The following NGEF variants were observed in gnomAD, a reference collection of about 807,000 sequenced individuals.
NGEF encodes the protein ephexin-1.
A neutral mutation model predicts 80.9 loss-of-function variants in NGEF; 31 were observed. The observed-to-expected ratio is 0.38, with a 90% CI of 0.29 to 0.52. The LOEUF is 0.52. Among genes scored for constraint, NGEF ranks in the 20% least tolerant of loss-of-function variants. NGEF has a pLI of 0.84. For missense variants in NGEF, 709 were observed against 926.2 expected, an observed-to-expected ratio of 0.77 and a Z score of 3.04; for synonymous variants, 371 against 370.2, an observed-to-expected ratio of 1.00 and a Z score of -0.03.
At position 232,879,565 on chromosome 2, in the gene NGEF, C is replaced by G. The variant is rs754143307; in HGVS notation, c.2057G>C (p.Arg686Pro). Residue 686 changes from arginine (R) to proline (P), a missense_variant, in exon 15 of 15, where the codon CGT becomes CCT. Transcript: ENST00000264051. Reference sequence around the variant, plus strand: ...CTGAGGGTCATCCATCTTGTGGACACGGAAACATTCCTTGAGGTTCTGGGA... The same window carrying G: ...CTGAGGGTCATCCATCTTGTGGACAGGGAAACATTCCTTGAGGTTCTGGGA... ...IRSQNLKECF[R>P]VHKMDDPQRS... The G allele has an allele frequency of 6.2e-7, 1 of 1,613,920 alleles. No individual in the cohort carries two copies. The highest frequency in any genetic ancestry group is 1.7e-5 in the Admixed American group (1 of 60,020).
At chr2:232,921,434 C>G (rs888264595) in intron 4 of NGEF, among the ~76,000 whole-genome samples, 2 of 152,166 alleles carry the variant, frequency 1.3e-5, no homozygotes, top group Admixed American at 6.5e-5. Flanking sequence ...AGCAAACACA[C>G]TCTGTTCTAC....
At chr2:232,926,002 C>G (rs1246987601) in intron 4 of NGEF, among the ~76,000 whole-genome samples, 1 of 152,068 alleles carries the variant, frequency 6.6e-6, no homozygotes, top group East Asian at 1.9e-4. Context: ...AGCTCCTCTC[C>G]GGGCTCAGTT....
intron 3 of NGEF, among the ~76,000 whole-genome samples, chr2:232,964,180 C>T (rs1694011147): frequency 6.6e-6 from 1 of 152,066 alleles, no homozygotes; most frequent in Non-Finnish European, 1.5e-5. Flanking sequence ...AATTATTTGC[C>T]TGTTTTTAAT....
chr2:233,010,687 G>A (rs1695183913), intron 1 of NGEF, among the ~76,000 whole-genome samples: 1 of 152,192 alleles, frequency 6.6e-6, no homozygotes, highest in Non-Finnish European at 1.5e-5. Context: ...TTTCCCAAAA[G>A]CAGCCCACAG....
intron 3 of NGEF, among the ~76,000 whole-genome samples, chr2:232,968,404 T>TTTA (rs1388151602): frequency 6.6e-6 from 1 of 150,986 alleles, no homozygotes; most frequent in African/African-American, 2.4e-5. Context: ...TGGCTTTTAT[T>TTTA]TTATTTTATT....
chr2:232,907,188 G>GAAAAA (rs10654316), intron 5 of NGEF, among the ~76,000 whole-genome samples: 1 of 113,158 alleles, frequency 8.8e-6, no homozygotes, highest in Non-Finnish European at 1.7e-5. Flanking sequence ...AGAAAAAAAA[G>GAAAAA]AAAAAAAAAA....
At chr2:232,886,743 G>A (rs1277745824) in intron 9 of NGEF, among the ~76,000 whole-genome samples, 2 of 152,238 alleles carry the variant, frequency 1.3e-5, no homozygotes, top group Non-Finnish European at 2.9e-5. Context: ...CTCAGGGAGA[G>A]CCTTCTGGGG....
Position 232,956,487 on chromosome 2 carries a change from G to T in NGEF, c.383+13727C>A, listed in dbSNP as rs1398313409. Among the ~76,000 whole-genome samples, 5 of 152,132 alleles carry T rather than the reference G, an allele frequency of 3.3e-5. No homozygotes were observed. The South Asian group carries it at 1.0e-3, about 32-fold the overall frequency. On this transcript the variant is annotated intron_variant, in intron 3 of 14. Coordinates refer to ENST00000264051, the MANE Select transcript of NGEF (RefSeq NM_019850.3). The stretch of plus-strand genomic sequence containing the variant: ...ATAGGAGTTTAAGAACCAGAATTAG[G>T]CTGGGCACAGTGGCTCACACCTGTA...
intron 5 of NGEF, chr2:232,901,339 G>A (rs900604827): frequency 4.1e-6 from 4 of 983,898 alleles, no homozygotes; most frequent in South Asian, 9.4e-5. Flanking sequence ...GAGGCTGCGC[G>A]ATTTCTCCTC....
chr2:232,989,687 G>A (rs11885626), intron 1 of NGEF, among the ~76,000 whole-genome samples: 135,121 of 152,214 alleles, frequency 0.89, 60,210 homozygotes, highest in East Asian at 0.99. Context: ...ATGGGGAAAA[G>A]TAAAGCTGTT....
intron 6 of NGEF, among the ~76,000 whole-genome samples, chr2:232,893,980 T>C (rs1023312078): frequency 6.6e-6 from 1 of 151,940 alleles, no homozygotes; most frequent in African/African-American, 2.4e-5. Context: ...GGGTGCCACA[T>C]GTGATGCTGA....
rs57407464 is a variant in NGEF, at chr2:232,956,781, T to TAAAA, written c.383+13429_383+13432dup. 8.6e-3 allele frequency among the ~76,000 whole-genome samples: 531 copies of TAAAA among 62,076 alleles called. 30 individuals are homozygous for TAAAA. Among genetic ancestry groups the TAAAA allele is most frequent in the African/African-American group, 0.032 (518 of 16,064 alleles). The allele number at this position is 62,076 out of a possible 152,430, so 40.7% of individuals were successfully genotyped here. A position where few individuals can be genotyped will look rare whatever the true frequency, so the allele number is the denominator to read the frequency against. ...CTGGGCGACAGAGCAAGACTCCATCTAAAAAAAAAAAAAAAAAAAAAAAAA... is the reference window on the plus strand; with the variant it reads ...CTGGGCGACAGAGCAAGACTCCATCTAAAAAAAAAAAAAAAAAAAAAAAAAAAAA... On this transcript the variant is annotated intron_variant, in intron 3 of 14. Coordinates refer to ENST00000264051, the MANE Select transcript of NGEF (RefSeq NM_019850.3).
intron 1 of NGEF, among the ~76,000 whole-genome samples, chr2:232,997,910 T>C (rs1175107267): frequency 1.3e-5 from 2 of 152,048 alleles, no homozygotes; most frequent in Non-Finnish European, 2.9e-5. Context: ...CAGGTGGCCG[T>C]GGGTGATCCT....
intron 3 of NGEF, among the ~76,000 whole-genome samples, chr2:232,928,331 T>G (rs1027566618): frequency 2.6e-4 from 39 of 150,196 alleles, no homozygotes; most frequent in African/African-American, 9.5e-4. Flanking sequence ...GGCTCGCGCC[T>G]TCCTCCCCCG....
In NGEF at chr2:232,943,738, G is replaced by T. The variant is rs1476885611; in HGVS notation, c.384-16552C>A. On this transcript the variant is annotated intron_variant, in intron 3 of 14. Transcript: ENST00000264051. ...TCTCAATCTCCTGACCTCGTGATCC[G>T]CCCGCCTCAGCCTCCCAAAGTGCTG... is the stretch of plus-strand genomic sequence containing the variant. 8.0e-5 allele frequency among the ~76,000 whole-genome samples: 12 copies of T among 149,776 alleles called. No individual in the cohort carries two copies. The South Asian group carries it at 2.5e-3, about 31-fold the overall frequency.
Position 232,906,990 on chromosome 2 carries a change from C to T in NGEF, c.829-12074G>A, listed in dbSNP as rs1358386130. Among the ~76,000 whole-genome samples the T allele has an allele frequency of 6.0e-5, 9 of 150,576 alleles. No homozygotes were observed. In the East Asian group the frequency reaches 1.2e-3, roughly 20 times the overall value. On this transcript the variant is annotated intron_variant, in intron 5 of 14. Coordinates refer to ENST00000264051, the MANE Select transcript of NGEF (RefSeq NM_019850.3). ...AACAGATGCTTGAAGGCAGCATGCT[C>T]GTTAAGAGTCATCACCACTCCCTAA... is the stretch of plus-strand genomic sequence containing the variant.
Position 232,882,275 on chromosome 2 carries a change from G to C in NGEF, c.1758-10C>G. ...ACGCTTCATCTCACTCCTGGCACAGGGAAGAGGACAGTGCCCCAACTGCAG... is the reference window on the plus strand; with the variant it reads ...ACGCTTCATCTCACTCCTGGCACAGCGAAGAGGACAGTGCCCCAACTGCAG... On this transcript the variant is annotated splice_polypyrimidine_tract_variant and intron_variant, in intron 12 of 14. Coordinates refer to ENST00000264051, the MANE Select transcript of NGEF (RefSeq NM_019850.3). 1 of 1,612,332 alleles carries C rather than the reference G, an allele frequency of 6.2e-7. No homozygotes were observed. The highest frequency in any genetic ancestry group is 8.5e-7 in the Non-Finnish European group (1 of 1,179,104).
chr2:232,968,696 C>T (rs571686948), intron 3 of NGEF, among the ~76,000 whole-genome samples: 110 of 152,336 alleles, frequency 7.2e-4, no homozygotes, highest in African/African-American at 2.5e-3. Flanking sequence ...TGAGCCACTG[C>T]GCCTGGCCCA....
At chr2:232,897,707 G>A (rs1037315893) in intron 5 of NGEF, among the ~76,000 whole-genome samples, 5 of 152,232 alleles carry the variant, frequency 3.3e-5, no homozygotes, top group Non-Finnish European at 1.5e-5. Flanking sequence ...CCGGCCCCCA[G>A]TGTCTGCACC....
Sources: allele counts gnomAD v4.1 joint callset (sites outside exome capture counted in the v4.1 genomes callset), GRCh38; gene constraint gnomAD v4.1.1; transcripts MANE v1.5; gene names NCBI Gene and HGNC (gene_info 2026-07-23, HGNC 2026-07-21).